The following NUFIP1 variants were observed in gnomAD, a reference collection of about 807,000 sequenced individuals.
The protein encoded by NUFIP1 is FMR1-interacting protein NUFIP1.
Under a neutral mutation model 56.2 loss-of-function variants are expected in NUFIP1, and 38 were observed. The ratio of observed to expected loss-of-function variants is 0.68; its 90% CI spans 0.52 to 0.89. NUFIP1 has a LOEUF of 0.89. NUFIP1 is among the 40% of genes least tolerant of loss of function. NUFIP1 has a pLI of 0.00. For missense variants in NUFIP1, 567 were observed against 605.8 expected (o/e 0.94, Z 0.67); for synonymous variants, 215 against 212.4 (o/e 1.01, Z -0.10).
chr13:44,957,792 T>TA (rs1160558447), intron 7 of NUFIP1, among the ~76,000 whole-genome samples: 12 of 152,200 alleles, frequency 7.9e-5, no homozygotes, highest in African/African-American at 1.4e-4. Flanking sequence ...ATATCGGTCT[T>TA]AGAGTCCTTC....
intron 8 of NUFIP1, among the ~76,000 whole-genome samples, chr13:44,945,944 G>A (rs1018458411): frequency 1.3e-5 from 2 of 152,046 alleles, no homozygotes; most frequent in Admixed American, 1.3e-4. Context: ...AAGAAGTATA[G>A]GGACAAGTGT....
At chr13:44,980,375 T>C (rs1872145108) in intron 3 of NUFIP1, among the ~76,000 whole-genome samples, 1 of 152,224 alleles carries the variant, frequency 6.6e-6, no homozygotes, top group Admixed American at 6.5e-5. Flanking sequence ...CACAGCCACA[T>C]TACACAGTAT....
At chr13:44,979,343 A>T in intron 4 of NUFIP1, 77 bp from the exon 5 acceptor site, 1 of 1,164,630 alleles carries the variant, frequency 8.6e-7, no homozygotes, top group Non-Finnish European at 1.2e-6. Flanking sequence ...TTGTTTCTAC[A>T]AGTAAACTTA....
chr13:44,987,745 A>G (rs558297836), intron 1 of NUFIP1, among the ~76,000 whole-genome samples: 20 of 152,326 alleles, frequency 1.3e-4, no homozygotes, highest in African/African-American at 4.8e-4. Flanking sequence ...AAAAGTAACT[A>G]CAATAGCTTC....
intron 5 of NUFIP1, among the ~76,000 whole-genome samples, chr13:44,966,640 T>C (rs957588174): frequency 1.3e-5 from 2 of 151,954 alleles, no homozygotes; most frequent in African/African-American, 2.4e-5. Flanking sequence ...CTTATGCAAA[T>C]ACATGCTAGG....
At chr13:44,947,473 C>T (rs975270184) in intron 8 of NUFIP1, among the ~76,000 whole-genome samples, 3 of 151,788 alleles carry the variant, frequency 2.0e-5, no homozygotes, top group Admixed American at 6.6e-5. Context: ...TCCTGACCTC[C>T]GGTGATCCAC....
At chr13:44,943,376 ACC>A in intron 9 of NUFIP1, 64 bp downstream of exon 9, 1 of 1,301,768 alleles carries the variant, frequency 7.7e-7, no homozygotes, top group Non-Finnish European at 1.1e-6. Context: ...ACACACACAC[ACC>A]CCAGTGGCTC....
intron 8 of NUFIP1, among the ~76,000 whole-genome samples, chr13:44,946,811 C>A (rs1870915360): frequency 1.3e-5 from 2 of 151,954 alleles, no homozygotes; most frequent in Non-Finnish European, 2.9e-5. Flanking sequence ...GTTAAAAGAC[C>A]ACTTTGTTTC....
In NUFIP1 at chr13:44,989,121, T is replaced by G; in HGVS notation, c.316A>C (p.Ser106Arg). The part of the protein sequence containing the change: ...QSPLDSQPQP[S>R]GQPWNFHAST... ...GCATGGAAATTCCAAGGCTGGCCGC[T>G]GGGTTGAGGCTGAGAATCAAGGGGA... Residue 106 changes from serine (S) to arginine (R), a missense_variant, in exon 1 of 10, where the codon AGC becomes CGC. Coordinates refer to ENST00000379161, the MANE Select transcript of NUFIP1 (RefSeq NM_012345.3). 6.2e-7 allele frequency: 1 copy of G among 1,613,994 alleles called. No individual in the cohort carries two copies. The highest frequency in any genetic ancestry group is 8.5e-7 in the Non-Finnish European group (1 of 1,179,978).
intron 7 of NUFIP1, among the ~76,000 whole-genome samples, chr13:44,958,491 T>A (rs1593361567): frequency 1.3e-5 from 2 of 152,320 alleles, no homozygotes; most frequent in Admixed American, 1.3e-4. Context: ...TGTTCCCTTA[T>A]GCAATGATCT....
chr13:44,989,221 C>T lies in NUFIP1; in HGVS notation c.216G>A (p.Gln72=). The T allele has an allele frequency of 6.2e-7, 1 of 1,611,976 alleles. No individual in the cohort carries two copies. The highest frequency in any genetic ancestry group is 8.5e-7 in the Non-Finnish European group (1 of 1,179,064). Residue 72 remains glutamine, a synonymous_variant, in exon 1 of 10, where the codon CAG becomes CAA. Transcript: ENST00000379161. ...AGGGGGGCGGAGCCCCGGGGAGAGA[C>T]TGGGCCTCCATGGGGGGCTGCGACT... ...SSESQPPMEA[Q]SLPGAPPPFD... is the part of the protein sequence containing the mutation.
intron 5 of NUFIP1, among the ~76,000 whole-genome samples, chr13:44,977,805 T>C (rs1202473463): frequency 6.6e-6 from 1 of 152,162 alleles, no homozygotes; most frequent in Non-Finnish European, 1.5e-5. Flanking sequence ...TCCCAGCACT[T>C]TGGGAGGCTG....
intron 5 of NUFIP1, among the ~76,000 whole-genome samples, chr13:44,977,594 C>T (rs1184150619): frequency 2.6e-5 from 4 of 152,180 alleles, no homozygotes; most frequent in Non-Finnish European, 4.4e-5. Flanking sequence ...CAAGCCTACA[C>T]GATAAGTAAG....
intron 6 of NUFIP1, among the ~76,000 whole-genome samples, 188 bp downstream of exon 6, chr13:44,965,656 T>C (rs1871572022): frequency 6.6e-6 from 1 of 152,086 alleles, no homozygotes; most frequent in African/African-American, 2.4e-5. Context: ...ATGGCGCCAC[T>C]GCACTCCAGC....
chr13:44,944,173 T>C (rs1442399093), intron 8 of NUFIP1, among the ~76,000 whole-genome samples: 1 of 152,138 alleles, frequency 6.6e-6, no homozygotes, highest in Non-Finnish European at 1.5e-5. Context: ...GAAGTAGATA[T>C]CATTTGAAAG....
At chr13:44,964,291 TTC>T (rs2137908259) in intron 6 of NUFIP1, among the ~76,000 whole-genome samples, 1 of 152,316 alleles carries the variant, frequency 6.6e-6, no homozygotes, top group African/African-American at 2.4e-5. Context: ...CATTAAGAAC[TTC>T]TGTTTCTGGC....
chr13:44,976,808 A>AG (rs1235271373), intron 5 of NUFIP1, among the ~76,000 whole-genome samples: 1 of 152,218 alleles, frequency 6.6e-6, no homozygotes, highest in Non-Finnish European at 1.5e-5. Context: ...AAGGCAGCAG[A>AG]GGGGCAAGGG....
intron 6 of NUFIP1, 37 bp downstream of exon 6, chr13:44,965,807 T>C (rs1338616409): frequency 8.0e-7 from 1 of 1,247,176 alleles, no homozygotes; most frequent in East Asian, 2.6e-5. Context: ...TTTTGTTTTG[T>C]GCTCCTTTTC....
In NUFIP1 at chr13:44,989,384, G is replaced by C. The variant is rs145745541; in HGVS notation, c.53C>G (p.Pro18Arg). ...FETPIGWHAS[P>R]ELTPTLGPLS... ...GGGCCCTAACGTGGGAGTCAGCTCG[G>C]GAGACGCATGCCACCCGATAGGAGT... Residue 18 changes from proline to arginine, a missense_variant, in exon 1 of 10, where the codon CCC (proline) becomes CGC (arginine). Pro to Arg is a moderately radical substitution (Grantham distance 103). Transcript: ENST00000379161. 5 of 1,613,474 alleles carry C rather than the reference G, an allele frequency of 3.1e-6. No individual in the cohort carries two copies. The African/African-American group carries it at 6.7e-5, about 22-fold the overall frequency.
Sources: allele counts gnomAD v4.1 joint callset (sites outside exome capture counted in the v4.1 genomes callset), GRCh38; gene constraint gnomAD v4.1.1; transcripts MANE v1.5; gene names NCBI Gene and HGNC (gene_info 2026-07-23, HGNC 2026-07-21).